Variants in MAP7D2 observed in about 807,000 individuals in gnomAD.
MAP7D2 encodes the protein MAP7 domain containing 2, also known as MAP7 domain-containing protein 2.
A neutral mutation model predicts 63.5 loss-of-function variants in MAP7D2; 33 were observed. The observed-to-expected ratio is 0.52, with a 90% CI of 0.39 to 0.70. The LOEUF (loss-of-function observed/expected upper bound fraction) is 0.70, where lower values mean the gene tolerates loss of function less well. MAP7D2 is among the 30% of genes least tolerant of loss of function. The pLI, the probability that MAP7D2 is intolerant of heterozygous loss-of-function variation, is 0.00. For missense variants in MAP7D2, 626 were observed against 604.0 expected (o/e 1.04, Z -0.38); for synonymous variants, 224 against 223.7 (o/e 1.00, Z -0.01).
At chrX:20,103,927 A>C (rs2066501316) in intron 1 of MAP7D2, among the ~76,000 whole-genome samples, 1 of 111,977 alleles carries the variant, frequency 8.9e-6, no homozygotes, top group African/African-American at 3.2e-5. Context: ...TAAAGATAAA[A>C]CTATGTACCA....
At chrX:20,018,319 G>GT (rs1359991650) in intron 10 of MAP7D2, among the ~76,000 whole-genome samples, 1 of 109,680 alleles carries the variant, frequency 9.1e-6, no homozygotes, top group African/African-American at 3.3e-5. Flanking sequence ...ATGCACACAT[G>GT]TAAGAACATC....
chrX:20,052,990 TGCAGA>T lies in MAP7D2; in HGVS notation c.485-7_485-3del. 1 of 1,154,998 alleles carries T rather than the reference TGCAGA, an allele frequency of 8.7e-7. No homozygotes were observed. The highest frequency in any genetic ancestry group is 1.8e-5 in the South Asian group (1 of 55,665). ...TTGATGTTGAAAGTTTGTCACATGCTGCAGAGAAATGCATTAAAGACATTGGTATT... is the reference window on the plus strand; with the variant it reads ...TTGATGTTGAAAGTTTGTCACATGCTGAAATGCATTAAAGACATTGGTATT... On this transcript the variant is annotated splice_region_variant and splice_polypyrimidine_tract_variant and intron_variant, in intron 4 of 16. Coordinates refer to ENST00000379643, the MANE Select transcript of MAP7D2 (RefSeq NM_001168465.2).
chrX:20,040,796 T>C (rs750120246), intron 8 of MAP7D2, among the ~76,000 whole-genome samples: 2 of 111,109 alleles, frequency 1.8e-5, no homozygotes, highest in South Asian at 3.9e-4. Flanking sequence ...ATGGATATAA[T>C]AATAATAATG....
chrX:20,098,489 C>G (rs1603404639), intron 1 of MAP7D2, among the ~76,000 whole-genome samples: 1 of 111,802 alleles, frequency 8.9e-6, no homozygotes, highest in East Asian at 2.8e-4. Context: ...GGCTCTTGGT[C>G]CCCACATTTA....
intron 3 of MAP7D2, among the ~76,000 whole-genome samples, chrX:20,058,730 C>A (rs1242355109): frequency 8.9e-6 from 1 of 112,070 alleles, no homozygotes; most frequent in African/African-American, 3.2e-5. Context: ...CTTTGTATCA[C>A]CCACTTTTGG....
intron 16 of MAP7D2, among the ~76,000 whole-genome samples, chrX:20,009,159 C>T (rs1479588011): frequency 9.0e-6 from 1 of 111,076 alleles, no homozygotes; most frequent in African/African-American, 3.3e-5. Context: ...GAAATGGGCT[C>T]TCAAACTTGT....
intron 1 of MAP7D2, among the ~76,000 whole-genome samples, chrX:20,088,056 AT>A (rs754137002): frequency 1.9e-3 from 182 of 95,614 alleles, no homozygotes; most frequent in Admixed American, 2.3e-3. Context: ...CGTCCGGCTA[AT>A]TTTTTTTTTT....
rs546868394 is a variant in MAP7D2 at position 20,033,282 on chromosome X, A to G, written c.1008-7330T>C. Among the ~76,000 whole-genome samples the G allele has an allele frequency of 2.7e-5, 3 of 112,445 alleles. No individual in the cohort carries two copies. The Admixed American group carries it at 2.8e-4, about 11-fold the overall frequency. Reference sequence around the variant, plus strand: ...GTAATAGATAGCTGAAATATTACCTATCGTAATGACCAAACTGACTTAGAA... The same window carrying G: ...GTAATAGATAGCTGAAATATTACCTGTCGTAATGACCAAACTGACTTAGAA... On this transcript the variant is annotated intron_variant, in intron 8 of 16. Coordinates refer to ENST00000379643, the MANE Select transcript of MAP7D2 (RefSeq NM_001168465.2).
At chrX:20,050,110 G>A (rs761843632) in intron 6 of MAP7D2, among the ~76,000 whole-genome samples, 6 of 111,938 alleles carry the variant, frequency 5.4e-5, no homozygotes, top group African/African-American at 1.9e-4. Context: ...GGTGGACACA[G>A]TGCTGCTCAT....
intron 1 of MAP7D2, among the ~76,000 whole-genome samples, chrX:20,110,662 CAAAAA>C (rs1282020261): frequency 1.2e-4 from 4 of 33,060 alleles, no homozygotes; most frequent in Admixed American, 1.2e-3. Flanking sequence ...GACTCTGTCT[CAAAAA>C]AAAAAAAAAA....
intron 10 of MAP7D2, 85 bp downstream of exon 10, chrX:20,024,866 C>T (rs982771851): frequency 1.9e-6 from 2 of 1,065,593 alleles, no homozygotes; most frequent in Non-Finnish European, 2.5e-6. Context: ...TTTATCAATA[C>T]CAACGCTGTA....
intron 1 of MAP7D2, among the ~76,000 whole-genome samples, chrX:20,094,976 C>T (rs756050190): frequency 1.1e-4 from 12 of 109,005 alleles, no homozygotes; most frequent in South Asian, 4.1e-4. Context: ...GTGACTAGGC[C>T]GGGCACAGTA....
intron 10 of MAP7D2, among the ~76,000 whole-genome samples, chrX:20,023,544 A>AG (rs1170409188): frequency 8.9e-6 from 1 of 112,750 alleles, no homozygotes; most frequent in Non-Finnish European, 1.9e-5. Context: ...TGAGGTTTGA[A>AG]GACTGAATGT....
chrX:20,079,316 T>G (rs2065721199), intron 1 of MAP7D2, among the ~76,000 whole-genome samples: 1 of 112,114 alleles, frequency 8.9e-6, no homozygotes, highest in Non-Finnish European at 1.9e-5. Flanking sequence ...AGGCCTAACC[T>G]TGCTGGTTAC....
rs2073182540 is a variant in MAP7D2, at chrX:20,010,986, C to T, written c.2139G>A (p.Gly713=). 3 of 1,210,195 alleles carry T rather than the reference C, an allele frequency of 2.5e-6. No individual in the cohort carries two copies. The highest frequency in any genetic ancestry group is 3.4e-6 in the Non-Finnish European group (3 of 894,452). Residue 713 remains glycine (G), a synonymous_variant, in exon 16 of 17, where the codon GGG becomes GGA. Transcript: ENST00000379643. ...CAGTTCCATTTTGGTCCAGAGACAC[C>T]CCAGGAATCATTTCACTCACTGGTG... ...EFSPVSEMIP[G]VSLDQNGTGN... is the part of the protein sequence containing the mutation.
rs768361348 is a variant in MAP7D2 at position 20,025,685 on chromosome X, G to T, written c.1275C>A (p.Ser425Arg). The T allele has an allele frequency of 8.3e-7, 1 of 1,209,901 alleles. No homozygotes were observed. The highest frequency in any genetic ancestry group is 1.7e-5 in the African/African-American group (1 of 57,230). The change falls in exon 9 of 17, where the codon AGC becomes AGA. Residue 425 changes from serine (S) to arginine (R), a missense_variant. Ser to Arg is a moderately radical substitution (Grantham distance 110, BLOSUM62 -1). Coordinates refer to ENST00000379643, the MANE Select transcript of MAP7D2 (RefSeq NM_001168465.2). Reference protein sequence around the residue: ...AAAAGGKAENSAALGKPTAGT... With the variant: ...AAAAGGKAENRAALGKPTAGT... ...AGGCACGGTGGCAGCATCTACCTGC[G>T]CTGTTTTCGGCTTTCCCTCCTGCGG...
At chrX:20,045,700 T>TTG (rs2064782526) in intron 6 of MAP7D2, among the ~76,000 whole-genome samples, 1 of 110,592 alleles carries the variant, frequency 9.0e-6, no homozygotes, top group Admixed American at 9.7e-5. Context: ...TGACCCTGAT[T>TTG]TGCTGAAACG....
At chrX:20,047,749 G>A (rs1402485157) in intron 6 of MAP7D2, among the ~76,000 whole-genome samples, 1 of 109,741 alleles carries the variant, frequency 9.1e-6, no homozygotes, top group East Asian at 2.8e-4. Context: ...CTAGGAGGTT[G>A]AGGCCACAGT....
chrX:20,027,753 G>A (rs900774721), intron 8 of MAP7D2, among the ~76,000 whole-genome samples: 3 of 85,070 alleles, frequency 3.5e-5, no homozygotes, highest in African/African-American at 1.1e-4. Context: ...GAGAGAAGGC[G>A]GGGGGAGAGA....
Sources: gnomAD v4.1 joint callset for allele counts (sites outside exome capture counted in the v4.1 genomes callset) on GRCh38, gnomAD v4.1.1 for gene constraint, MANE v1.5 for transcripts, NCBI Gene and HGNC (gene_info 2026-07-23, HGNC 2026-07-21) for gene names.